The following SPATS2 variants were observed in gnomAD, a reference collection of about 807,000 sequenced individuals.
SPATS2 encodes the protein spermatogenesis associated serine rich 2, also known as spermatogenesis-associated serine-rich protein 2.
In SPATS2, 38 loss-of-function variants were observed where a neutral mutation model predicts 63.7. The observed-to-expected ratio is 0.60, with a 90% CI of 0.46 to 0.78. SPATS2 has a LOEUF of 0.78. SPATS2 is among the 30% of genes least tolerant of loss of function. The probability of loss-of-function intolerance (pLI) is 0.00; values close to 1 mark genes in which losing one functional copy is unlikely to be tolerated. For missense variants in SPATS2, 588 were observed against 666.2 expected (o/e 0.88, Z 1.29); for synonymous variants, 207 against 232.9 (o/e 0.89, Z 1.01).
At chr12:49,475,909 T>C (rs551689394) in intron 3 of SPATS2, among the ~76,000 whole-genome samples, 3 of 152,240 alleles carry the variant, frequency 2.0e-5, no homozygotes, top group East Asian at 3.9e-4. Flanking sequence ...GGCTGTTCTC[T>C]AGAGTATAGT....
At chr12:49,367,621 G>C in intron 1 of SPATS2, 34 bp downstream of exon 1, 1 of 396,820 alleles carries the variant, frequency 2.5e-6, no homozygotes, top group Non-Finnish European at 4.4e-6. Context: ...CGGGGTTGGC[G>C]GGGGCTCAGA....
chr12:49,437,694 C>A (rs1208067157), intron 2 of SPATS2, among the ~76,000 whole-genome samples: 3 of 152,202 alleles, frequency 2.0e-5, no homozygotes, highest in Non-Finnish European at 4.4e-5. Flanking sequence ...TCAGGCATGG[C>A]GGCGCGCGCC....
chr12:49,422,171 A>G (rs2137425536), intron 2 of SPATS2, among the ~76,000 whole-genome samples: 1 of 152,294 alleles, frequency 6.6e-6, no homozygotes, highest in East Asian at 1.9e-4. Flanking sequence ...TGATGTTGAT[A>G]TAGCAGAAAG....
intron 2 of SPATS2, among the ~76,000 whole-genome samples, chr12:49,453,681 T>C (rs557377959): frequency 6.6e-6 from 1 of 151,662 alleles, no homozygotes; most frequent in Non-Finnish European, 1.5e-5. Context: ...GGTGTGGTGG[T>C]ATGTGCCTGT....
In SPATS2 at chr12:49,524,892, G is replaced by A. The variant is rs1411137050; in HGVS notation, c.1322G>A (p.Arg441Gln). The A allele has an allele frequency of 9.9e-6, 16 of 1,613,110 alleles. No individual in the cohort carries two copies. The highest frequency in any genetic ancestry group is 2.7e-5 in the African/African-American group (2 of 74,992). The change falls in exon 13 of 14, where the codon CGG (arginine) becomes CAG (glutamine). Residue 441 changes from arginine to glutamine, a missense_variant. Arg to Gln is a conservative substitution (Grantham distance 43, BLOSUM62 1). Transcript: ENST00000552918. ...NSSGQPYQPL[R>Q]EVLPGNRRGG... ...AGTGGCCAGCCCTACCAGCCACTTCGGGAGGTAACCTAGCTTCTACACTGA... is the reference window on the plus strand; with the variant it reads ...AGTGGCCAGCCCTACCAGCCACTTCAGGAGGTAACCTAGCTTCTACACTGA...
intron 3 of SPATS2, among the ~76,000 whole-genome samples, chr12:49,476,244 C>T (rs1946115445): frequency 6.6e-6 from 1 of 152,100 alleles, no homozygotes; most frequent in African/African-American, 2.4e-5. Context: ...ACGACAGTCA[C>T]CCGCACGCCA....
chr12:49,450,244 TA>T (rs906161543), intron 2 of SPATS2, among the ~76,000 whole-genome samples: 15 of 151,714 alleles, frequency 9.9e-5, no homozygotes, highest in African/African-American at 2.9e-4. Context: ...CTTTTTTTTT[TA>T]AATTTTATTT....
chr12:49,424,178 G>A (rs1474010815), intron 2 of SPATS2, among the ~76,000 whole-genome samples: 2 of 152,098 alleles, frequency 1.3e-5, no homozygotes, highest in Non-Finnish European at 2.9e-5. Context: ...ACTCCAGCCT[G>A]GGCAACAGAA....
upstream of SPATS2, chr12:49,367,265 T>G (rs1319440179): frequency 1.6e-5 from 5 of 321,834 alleles, no homozygotes; most frequent in Admixed American, 5.0e-5. Context: ...GTACGCGCCC[T>G]GAGCTCTGGC....
intron 8 of SPATS2, among the ~76,000 whole-genome samples, chr12:49,498,116 G>C (rs1592459212): frequency 8.4e-6 from 1 of 118,486 alleles, no homozygotes; most frequent in Non-Finnish European, 1.7e-5. Context: ...GCAGGTTTGA[G>C]ACTATCCAAT....
At chr12:49,431,171 T>C (rs183451905) in intron 2 of SPATS2, among the ~76,000 whole-genome samples, 1 of 152,320 alleles carries the variant, frequency 6.6e-6, no homozygotes, top group East Asian at 1.9e-4. Flanking sequence ...CTTCCAGGTA[T>C]ACAGTTTTTA....
In SPATS2 at chr12:49,460,964, G is replaced by A; in HGVS notation, c.-49G>A. 1 of 1,610,444 alleles carries A rather than the reference G, an allele frequency of 6.2e-7. No homozygotes were observed. The highest frequency in any genetic ancestry group is 8.5e-7 in the Non-Finnish European group (1 of 1,177,580). On this transcript the variant is annotated 5_prime_UTR_variant, in exon 3 of 14. Transcript: ENST00000552918. ...ATACCTACACTCAAAACCCAGACAAGGCAAAAGGATACTTTTCTTGTATAT... is the reference window on the plus strand; with the variant it reads ...ATACCTACACTCAAAACCCAGACAAAGCAAAAGGATACTTTTCTTGTATAT...
intron 3 of SPATS2, among the ~76,000 whole-genome samples, chr12:49,468,136 CTCTTT>C (rs199945492): frequency 0.051 from 7,355 of 143,690 alleles, 176 homozygotes; most frequent in Non-Finnish European, 0.075. Flanking sequence ...TTTTCTTTCA[CTCTTT>C]TCTTTTCTTT....
chr12:49,511,209 A>C (rs995111604), intron 9 of SPATS2, among the ~76,000 whole-genome samples: 2 of 152,074 alleles, frequency 1.3e-5, no homozygotes, highest in Admixed American at 6.6e-5. Flanking sequence ...AAAAAAAAAA[A>C]CACATCTTAT....
intron 2 of SPATS2, among the ~76,000 whole-genome samples, chr12:49,437,734 C>A (rs1453256542): frequency 6.6e-6 from 1 of 151,892 alleles, no homozygotes; most frequent in East Asian, 1.9e-4. Context: ...CAGGCTGAGG[C>A]AGGAGAATCA....
chr12:49,372,786 T>C (rs749289286), intron 2 of SPATS2, among the ~76,000 whole-genome samples: 2 of 152,148 alleles, frequency 1.3e-5, no homozygotes, highest in African/African-American at 2.4e-5. Flanking sequence ...ATACATAGAA[T>C]AGAAAGTAAG....
chr12:49,383,486 T>C (rs1565694860), intron 2 of SPATS2, among the ~76,000 whole-genome samples: 1 of 152,104 alleles, frequency 6.6e-6, no homozygotes, highest in Non-Finnish European at 1.5e-5. Context: ...TCTCATCTTA[T>C]TGCAACCTCA....
chr12:49,503,007 A>G (rs974947560), intron 9 of SPATS2, among the ~76,000 whole-genome samples: 3 of 152,184 alleles, frequency 2.0e-5, no homozygotes, highest in African/African-American at 7.2e-5. Flanking sequence ...AGGAAGCACC[A>G]TGCCCTTTGC....
At chr12:49,366,892 G>GCGCCGGGTCCCTAACCGATGC (rs1364605120), upstream of SPATS2, 1 of 151,864 alleles carries the variant, frequency 6.6e-6, no homozygotes, top group Admixed American at 6.5e-5. Context: ...TTCCCGGCGC[G>GCGCCGGGTCCCTAACCGATGC]CGCCGGGTCC....
Sources: allele counts gnomAD v4.1 joint callset (sites outside exome capture counted in the v4.1 genomes callset), GRCh38; gene constraint gnomAD v4.1.1; transcripts MANE v1.5; gene names NCBI Gene and HGNC (gene_info 2026-07-23, HGNC 2026-07-21).